Variants in EFR3A observed in about 807,000 individuals in gnomAD.
EFR3A encodes the protein protein EFR3 homolog A.
EFR3A carries 76 observed loss-of-function variants against 104.4 expected under a neutral mutation model. That is an observed-to-expected ratio of 0.73 (90% confidence interval 0.60 to 0.88). The LOEUF is 0.88. EFR3A is among the 40% of genes least tolerant of loss of function. The pLI, the probability that EFR3A is intolerant of heterozygous loss-of-function variation, is 0.00. For synonymous variants in EFR3A, 330 were observed against 330.0 expected (o/e 1.00, Z 0.00); for missense variants, 985 against 1,012.5 (o/e 0.97, Z 0.37).
intron 13 of EFR3A, 70 bp from the exon 14 acceptor site, chr8:131,979,276 T>C (rs1224273748): frequency 2.5e-6 from 3 of 1,224,066 alleles, no homozygotes; most frequent in East Asian, 2.6e-5. Context: ...TAAATACAAT[T>C]TTCCATATAA....
intron 17 of EFR3A, among the ~76,000 whole-genome samples, chr8:131,986,847 A>C (rs776935507): frequency 6.6e-5 from 10 of 151,562 alleles, no homozygotes; most frequent in Non-Finnish European, 7.4e-5. Flanking sequence ...AAACTGTTGG[A>C]TATGTCTCTT....
rs35514095 is a variant in EFR3A, at chr8:131,919,085, A to AT, written c.10+14776dup. Among the ~76,000 whole-genome samples the AT allele has an allele frequency of 2.1e-3, 311 of 148,602 alleles. 1 individual carries two copies. Among genetic ancestry groups the AT allele is most frequent in the Non-Finnish European group, 2.7e-3 (178 of 66,874 alleles). Reference sequence around the variant, plus strand: ...AAGCAGACACTGTCCTTTGTCAGTGATTTTTTTTTTTTTAAAGCTTAGCTA... The same window carrying AT: ...AAGCAGACACTGTCCTTTGTCAGTGATTTTTTTTTTTTTTAAAGCTTAGCTA... On this transcript the variant is annotated intron_variant, in intron 1 of 22. Coordinates refer to ENST00000254624, the MANE Select transcript of EFR3A (RefSeq NM_015137.6).
At chr8:131,908,438 C>G (rs1317183040) in intron 1 of EFR3A, among the ~76,000 whole-genome samples, 2 of 152,144 alleles carry the variant, frequency 1.3e-5, no homozygotes, top group Non-Finnish European at 2.9e-5. Flanking sequence ...TTCCAACTTA[C>G]TGATTACTTT....
rs561303436 is a variant in EFR3A, at chr8:131,981,847, G to A, written c.1576-2292G>A. On this transcript the variant is annotated intron_variant, in intron 14 of 22. Coordinates refer to ENST00000254624, the MANE Select transcript of EFR3A (RefSeq NM_015137.6). ...GGCTGGAACCCCTTATACATTGGGA[G>A]GTATCACTTCACCTGTAATTTCCTA... Among the ~76,000 whole-genome samples the A allele has an allele frequency of 1.8e-3, 279 of 152,026 alleles. 2 individuals are homozygous for A. The highest frequency in any genetic ancestry group is 6.5e-3 in the African/African-American group (271 of 41,478).
intron 19 of EFR3A, among the ~76,000 whole-genome samples, chr8:131,998,927 C>T (rs9656822): frequency 0.86 from 131,186 of 151,896 alleles, 56,776 homozygotes; most frequent in East Asian, 0.94. Flanking sequence ...TTTAAATTAA[C>T]GTATTCAAGA....
Position 131,909,877 on chromosome 8 carries a change from A to G in EFR3A, c.10+5555A>G, listed in dbSNP as rs114690951. Among the ~76,000 whole-genome samples, 772 of 152,342 alleles carry G rather than the reference A, an allele frequency of 5.1e-3. 9 individuals are homozygous for G. Among genetic ancestry groups the G allele is most frequent in the African/African-American group, 0.018 (730 of 41,586 alleles). On this transcript the variant is annotated intron_variant, in intron 1 of 22. Coordinates refer to ENST00000254624, the MANE Select transcript of EFR3A (RefSeq NM_015137.6). ...ACAAAATTGTCCCTGGTTGAGAACC[A>G]CTGGCCTAAATATTTAAATGTTATA...
At chr8:131,983,183 T>C (rs986970161) in intron 14 of EFR3A, among the ~76,000 whole-genome samples, 15 of 152,212 alleles carry the variant, frequency 9.9e-5, no homozygotes, top group Admixed American at 1.3e-4. Context: ...GCTTGGAATA[T>C]TAAGCCTAAA....
At chr8:131,944,521 C>T (rs4645545) in intron 2 of EFR3A, among the ~76,000 whole-genome samples, 74,480 of 151,762 alleles carry the variant, frequency 0.49, 18,442 homozygotes, top group Middle Eastern at 0.57. Flanking sequence ...GAGTCTAATT[C>T]ACTGTTTGTG....
chr8:132,006,202 A>G (rs2130815258), intron 22 of EFR3A, among the ~76,000 whole-genome samples: 1 of 152,264 alleles, frequency 6.6e-6, no homozygotes, highest in Admixed American at 6.5e-5. Flanking sequence ...AGAACAACAT[A>G]AGCTAAACTA....
chr8:131,959,877 G>A (rs927939320), intron 8 of EFR3A, among the ~76,000 whole-genome samples: 4 of 152,112 alleles, frequency 2.6e-5, no homozygotes, highest in African/African-American at 4.8e-5. Flanking sequence ...ATTCTATCAC[G>A]GTTCCCCTCA....
intron 8 of EFR3A, among the ~76,000 whole-genome samples, chr8:131,965,159 A>G (rs1004835058): frequency 3.9e-5 from 6 of 152,326 alleles, no homozygotes; most frequent in South Asian, 2.1e-4. Context: ...GGCATGGGCA[A>G]GGACTTCATG....
At chr8:132,009,624 C>G (rs147702086) in intron 22 of EFR3A, among the ~76,000 whole-genome samples, 174 of 152,160 alleles carry the variant, frequency 1.1e-3, no homozygotes, top group African/African-American at 4.0e-3. Flanking sequence ...TTGAGTTGAT[C>G]TCATTTGGAC....
chr8:131,986,155 G>A, intron 16 of EFR3A, 39 bp from the exon 17 acceptor site: 1 of 1,151,530 alleles, frequency 8.7e-7, no homozygotes, highest in South Asian at 1.3e-5. Context: ...CTGAGGGGTA[G>A]GGTTTTTGAT....
At position 131,959,713 on chromosome 8, in the gene EFR3A, T is replaced by C. The variant is rs1424729336; in HGVS notation, c.855+50T>C. ...GTATTTATATAAGTAATTTTGGTTC[T>C]CTATGGATAAGCACATTATCAAACA... On this transcript the variant is annotated intron_variant, in intron 8 of 22. Transcript: ENST00000254624. The C allele has an allele frequency of 2.9e-6, 4 of 1,373,528 alleles. No individual in the cohort carries two copies. In the East Asian group the frequency reaches 9.3e-5, roughly 32 times the overall value. 85.1% of individuals were successfully genotyped at this position (1,373,528 alleles called of 1,614,324 possible).
At chr8:131,932,255 T>G (rs1229368472) in intron 1 of EFR3A, among the ~76,000 whole-genome samples, 1 of 152,154 alleles carries the variant, frequency 6.6e-6, no homozygotes, top group Non-Finnish European at 1.5e-5. Context: ...TTTACCTTAA[T>G]AGTATTTTTA....
rs551222848 is a variant in EFR3A at position 131,959,588 on chromosome 8, T to G, written c.780T>G (p.His260Gln). 20 of 1,611,164 alleles carry G rather than the reference T, an allele frequency of 1.2e-5. No individual in the cohort carries two copies. Among genetic ancestry groups the G allele is most frequent in the South Asian group, 1.1e-4 (10 of 90,320 alleles). ...MNNAVRPVFA[H>Q]LDHHKLWDPN... The stretch of plus-strand genomic sequence containing the variant: ...AAGTAATTTTTGTTATTTGCAGGCA[T>G]TTAGATCATCACAAACTGTGGGATC... Residue 260 changes from histidine (H) to glutamine (Q), a missense_variant, in exon 8 of 23, where the codon CAT (histidine) becomes CAG (glutamine). His to Gln is a conservative substitution (Grantham distance 24, BLOSUM62 0). Coordinates refer to ENST00000254624, the MANE Select transcript of EFR3A (RefSeq NM_015137.6).
intron 18 of EFR3A, among the ~76,000 whole-genome samples, chr8:131,995,315 A>G (rs2130787619): frequency 6.6e-6 from 1 of 152,200 alleles, no homozygotes; most frequent in East Asian, 1.9e-4. Context: ...TTCGACTGTA[A>G]TCATGATTAT....
chr8:131,913,132 G>GTTTTTTTTTT (rs5895116), intron 1 of EFR3A, among the ~76,000 whole-genome samples: 2 of 132,294 alleles, frequency 1.5e-5, no homozygotes, highest in Non-Finnish European at 1.6e-5. Flanking sequence ...TTATTTTTCT[G>GTTTTTTTTTT]TTTTTTTTTT....
intron 8 of EFR3A, among the ~76,000 whole-genome samples, chr8:131,960,012 T>C (rs7000712): frequency 0.49 from 74,436 of 152,016 alleles, 18,390 homozygotes; most frequent in Middle Eastern, 0.57. Context: ...CTTCCTTTCC[T>C]GGATGGGCCC....
Sources: gnomAD v4.1 joint callset for allele counts (sites outside exome capture counted in the v4.1 genomes callset) on GRCh38, gnomAD v4.1.1 for gene constraint, MANE v1.5 for transcripts, NCBI Gene and HGNC (gene_info 2026-07-23, HGNC 2026-07-21) for gene names.